UPP2: variants seen among roughly 807,000 people sequenced by gnomAD.
UPP2 encodes the protein uridine phosphorylase 2.
Under a neutral mutation model 26.7 loss-of-function variants are expected in UPP2, and 23 were observed. The observed-to-expected ratio is 0.86, with a 90% CI of 0.62 to 1.22. The LOEUF (loss-of-function observed/expected upper bound fraction) is 1.22, where lower values mean the gene tolerates loss of function less well. Among genes scored for constraint, UPP2 ranks in the 50% most tolerant of loss-of-function variants. The pLI, the probability that UPP2 is intolerant of heterozygous loss-of-function variation, is 0.00. For synonymous variants in UPP2, 127 were observed against 141.3 expected (o/e 0.90, Z 0.72); for missense variants, 387 against 396.7 (o/e 0.98, Z 0.21).
At chr2:158,051,324 CATTTAA>C (rs1682154824) in intron 3 of UPP2, among the ~76,000 whole-genome samples, 2 of 151,960 alleles carry the variant, frequency 1.3e-5, no homozygotes, top group Admixed American at 1.3e-4. Context: ...CTTTGATAGT[CATTTAA>C]ATCTTTCAGT....
At chr2:158,099,059 T>C (rs1312654307), upstream of UPP2, among the ~76,000 whole-genome samples, 4 of 152,202 alleles carry the variant, frequency 2.6e-5, no homozygotes, top group African/African-American at 7.2e-5. Context: ...AAGGAGAGAA[T>C]GCTGAATTTA....
chr2:158,123,390 C>A (rs1015398880), intron 5 of UPP2, among the ~76,000 whole-genome samples: 1 of 152,006 alleles, frequency 6.6e-6, no homozygotes, highest in Non-Finnish European at 1.5e-5. Context: ...CTGGGCCATT[C>A]CCCAGTCATT....
chr2:158,045,341 C>T (rs1332807925), intron 3 of UPP2, among the ~76,000 whole-genome samples: 3 of 152,180 alleles, frequency 2.0e-5, no homozygotes, highest in African/African-American at 7.2e-5. Context: ...AAACCCCACC[C>T]TTTCTAGCCT....
At chr2:158,101,456 A>G (rs1683073877), upstream of UPP2, among the ~76,000 whole-genome samples, 2 of 152,328 alleles carry the variant, frequency 1.3e-5, no homozygotes, top group South Asian at 4.1e-4. Context: ...GTTCAGATAA[A>G]GGGACATTCT....
intron 3 of UPP2, among the ~76,000 whole-genome samples, chr2:158,053,737 A>G (rs956555210): frequency 6.6e-6 from 1 of 152,222 alleles, no homozygotes; most frequent in Non-Finnish European, 1.5e-5. Context: ...GAAGGATTTT[A>G]GCCACAGGAT....
rs139979908 is a variant in UPP2, at chr2:158,095,815, C to T, written c.148-6225C>T. On this transcript the variant is annotated intron_variant, in intron 3 of 9. Transcript: ENST00000605860. Reference sequence around the variant, plus strand: ...TTTTTCATTATTTTTCCTTATCCTTCAGATTTCTATTCTGAGTTGAATGTG... The same window carrying T: ...TTTTTCATTATTTTTCCTTATCCTTTAGATTTCTATTCTGAGTTGAATGTG... Among the ~76,000 whole-genome samples, 13 of 151,854 alleles carry T rather than the reference C, an allele frequency of 8.6e-5. No individual in the cohort carries two copies. In the East Asian group the frequency reaches 2.5e-3, roughly 29 times the overall value.
rs1016177482 is a variant in UPP2, at chr2:158,060,889, C to T, written c.148-41151C>T. ...ACCCTGATCTTCGACTTCCGGCCTT[C>T]GGAAATGTGAGAAATAAATGTTTGT... On this transcript the variant is annotated intron_variant, in intron 3 of 9. Coordinates refer to the UPP2 transcript ENST00000605860. 5.3e-5 allele frequency among the ~76,000 whole-genome samples: 8 copies of T among 152,148 alleles called. No individual in the cohort carries two copies. The East Asian group carries it at 7.7e-4, about 15-fold the overall frequency.
intron 3 of UPP2, among the ~76,000 whole-genome samples, chr2:158,018,615 C>T (rs942878102): frequency 6.6e-6 from 1 of 152,164 alleles, no homozygotes; most frequent in Non-Finnish European, 1.5e-5. Context: ...TGCATAATCT[C>T]TCTATTTGGA....
intron 1 of UPP2, among the ~76,000 whole-genome samples, chr2:158,103,761 G>T (rs1401323456): frequency 1.3e-5 from 2 of 152,190 alleles, no homozygotes; most frequent in Non-Finnish European, 2.9e-5. Context: ...GTATGGGGTA[G>T]AATCTAAGAC....
At chr2:158,077,394 AC>A (rs1301542576) in intron 3 of UPP2, among the ~76,000 whole-genome samples, 6 of 152,174 alleles carry the variant, frequency 3.9e-5, no homozygotes, top group African/African-American at 1.2e-4. Flanking sequence ...TTCAAATTAT[AC>A]TACAGAGCTA....
chr2:158,116,475 C>T (rs1683434073), intron 3 of UPP2, among the ~76,000 whole-genome samples: 1 of 152,066 alleles, frequency 6.6e-6, no homozygotes, highest in Non-Finnish European at 1.5e-5. Context: ...GGAAAAAGAC[C>T]TGAAATATGT....
At chr2:158,079,804 A>G (rs563988856) in intron 3 of UPP2, among the ~76,000 whole-genome samples, 7 of 152,292 alleles carry the variant, frequency 4.6e-5, no homozygotes, top group East Asian at 1.9e-4. Flanking sequence ...GGTAAGTTCT[A>G]TGCTGCCTCA....
intron 3 of UPP2, among the ~76,000 whole-genome samples, chr2:158,066,431 G>A (rs1423956516): frequency 2.6e-5 from 4 of 152,126 alleles, no homozygotes; most frequent in East Asian, 1.9e-4. Flanking sequence ...GGTGCCACCC[G>A]GCACAATACT....
intron 3 of UPP2, among the ~76,000 whole-genome samples, chr2:158,086,133 G>C (rs1682811056): frequency 6.6e-6 from 1 of 151,884 alleles, no homozygotes; most frequent in African/African-American, 2.4e-5. Context: ...ATCTGATCCT[G>C]GACTTACTTT....
At position 158,123,784 on chromosome 2, in the gene UPP2, T is replaced by C. The variant is rs767491952; in HGVS notation, c.700T>C (p.Ser234Pro). 2 of 1,614,048 alleles carry C rather than the reference T, an allele frequency of 1.2e-6. No individual in the cohort carries two copies. Among genetic ancestry groups the C allele is most frequent in the South Asian group, 2.2e-5 (2 of 91,084 alleles). ...GRLDGALCSF[S>P]REKKLDYLKR... ...ACTAGATGGAGCACTGTGCTCCTTT[T>C]CCAGAGAAAAAAAGTTAGACTACTT... The change falls in exon 6 of 7, where the codon TCC becomes CCC. Residue 234 changes from serine (S) to proline (P), a missense_variant. Transcript: ENST00000005756.
rs139314595 is a variant in UPP2, at chr2:158,059,997, C to A, written c.148-42043C>A. 1.0e-3 allele frequency among the ~76,000 whole-genome samples: 156 copies of A among 152,234 alleles called. No individual in the cohort carries two copies. The East Asian group carries it at 0.014, about 14-fold the overall frequency. Reference sequence around the variant, plus strand: ...GAAGTCCATCATAGATGGTGAATAACTTATAGGCATTAATACATTAATTAA... The same window carrying A: ...GAAGTCCATCATAGATGGTGAATAAATTATAGGCATTAATACATTAATTAA... On this transcript the variant is annotated intron_variant, in intron 3 of 9. Coordinates refer to the UPP2 transcript ENST00000605860.
At chr2:158,069,981 C>A (rs552655413) in intron 3 of UPP2, among the ~76,000 whole-genome samples, 1 of 152,202 alleles carries the variant, frequency 6.6e-6, no homozygotes, top group African/African-American at 2.4e-5. Context: ...ATCATGAGGG[C>A]TCCACTCTGA....
At chr2:158,096,337 G>A (rs1239972326) in intron 3 of UPP2, among the ~76,000 whole-genome samples, 6 of 152,304 alleles carry the variant, frequency 3.9e-5, no homozygotes, top group South Asian at 2.1e-4. Flanking sequence ...GGTGGCTCAC[G>A]CCTGTAATCC....
intron 3 of UPP2, among the ~76,000 whole-genome samples, chr2:158,073,681 T>A (rs1052479850): frequency 6.6e-6 from 1 of 152,166 alleles, no homozygotes; most frequent in South Asian, 2.1e-4. Flanking sequence ...GAGAGTGGCA[T>A]GACATATTTA....
Sources: allele counts gnomAD v4.1 joint callset (sites outside exome capture counted in the v4.1 genomes callset), GRCh38; gene constraint gnomAD v4.1.1; transcripts MANE v1.5; gene names NCBI Gene and HGNC (gene_info 2026-07-23, HGNC 2026-07-21).